Variants in ITSN1 observed in about 807,000 individuals in gnomAD.
ITSN1 encodes intersectin 1, also known as intersectin-1.
A neutral mutation model predicts 239.8 loss-of-function variants in ITSN1; 58 were observed. That is an observed-to-expected ratio of 0.24 (90% CI 0.20 to 0.30). ITSN1 has a LOEUF of 0.30. ITSN1 is among the 10% of genes least tolerant of loss of function. The pLI is 1.00. For missense variants in ITSN1, 1,558 were observed against 2,103.3 expected (o/e 0.74, Z 5.07); for synonymous variants, 780 against 770.8 (o/e 1.01, Z -0.20).
intron 20 of ITSN1, among the ~76,000 whole-genome samples, chr21:33,810,174 TA>T (rs2072800204): frequency 6.6e-6 from 1 of 152,204 alleles, no homozygotes; most frequent in South Asian, 2.1e-4. Context: ...GGACAACTCG[TA>T]AAGAAAAGTA....
In ITSN1 at chr21:33,725,007, C is replaced by T. The variant is rs141435394; in HGVS notation, c.185+2356C>T. Among the ~76,000 whole-genome samples the T allele has an allele frequency of 8.5e-3, 1,271 of 150,402 alleles. 67 individuals carry two copies. The highest frequency in any genetic ancestry group is 0.074 in the Admixed American group (1,120 of 15,080). On this transcript the variant is annotated intron_variant, in intron 4 of 39. Coordinates refer to ENST00000381318, the MANE Select transcript of ITSN1 (RefSeq NM_003024.3). ...ACATTTGGCTGGGTGTGGTGGCCCACGTCTGTAATCTCAATGCTTTGGGAG... is the reference window on the plus strand; with the variant it reads ...ACATTTGGCTGGGTGTGGTGGCCCATGTCTGTAATCTCAATGCTTTGGGAG...
chr21:33,716,916 A>G (rs13052450), intron 1 of ITSN1, among the ~76,000 whole-genome samples: 5 of 151,704 alleles, frequency 3.3e-5, no homozygotes, highest in East Asian at 1.9e-4. Context: ...CGCCTGGGCA[A>G]CAAAGCAAGA....
At chr21:33,763,440 G>A (rs1308167057) in intron 9 of ITSN1, among the ~76,000 whole-genome samples, 1 of 151,924 alleles carries the variant, frequency 6.6e-6, no homozygotes, top group Non-Finnish European at 1.5e-5. Context: ...TTTGTTGTTG[G>A]GGGATGTCCT....
chr21:33,819,579 A>G (rs1259622442), intron 24 of ITSN1, among the ~76,000 whole-genome samples: 1 of 152,242 alleles, frequency 6.6e-6, no homozygotes, highest in Non-Finnish European at 1.5e-5. Context: ...AGACCCATTC[A>G]GTTCACTAAG....
At chr21:33,793,367 C>T (rs990832601) in intron 16 of ITSN1, among the ~76,000 whole-genome samples, 1 of 152,128 alleles carries the variant, frequency 6.6e-6, no homozygotes, top group African/African-American at 2.4e-5. Flanking sequence ...GGAGGACCAG[C>T]CCTGGTTAGA....
intron 1 of ITSN1, among the ~76,000 whole-genome samples, chr21:33,706,722 A>G (rs140290537): frequency 5.8e-4 from 89 of 152,182 alleles, no homozygotes; most frequent in African/African-American, 1.9e-3. Flanking sequence ...CATTTGTTCT[A>G]TCCTTTCAAT....
In ITSN1 at chr21:33,797,044, G is replaced by A. The variant is rs979169724; in HGVS notation, c.1953-335G>A. On this transcript the variant is annotated intron_variant, in intron 17 of 39. Transcript: ENST00000381318. This position sits in a 1 kb window ranked among gnomAD's most constrained non-coding sequence, Gnocchi z 4.9. Reference sequence around the variant, plus strand: ...CTGGGGGGAAATTTTTACAGTGTTGGGTGTATTTTATTTTTATAGAAGTTA... The same window carrying A: ...CTGGGGGGAAATTTTTACAGTGTTGAGTGTATTTTATTTTTATAGAAGTTA... 1.1e-4 allele frequency among the ~76,000 whole-genome samples: 16 copies of A among 151,944 alleles called. No homozygotes were observed. Among genetic ancestry groups the A allele is most frequent in the Non-Finnish European group, 2.9e-5 (2 of 67,966 alleles).
intron 1 of ITSN1, among the ~76,000 whole-genome samples, chr21:33,710,147 C>T (rs1411393517): frequency 1.3e-5 from 2 of 148,508 alleles, no homozygotes; most frequent in Non-Finnish European, 3.0e-5. Context: ...GGCATGATCT[C>T]GGCTCACTGC....
intron 1 of ITSN1, among the ~76,000 whole-genome samples, chr21:33,703,749 C>T (rs2092126870): frequency 6.6e-6 from 1 of 152,084 alleles, no homozygotes; most frequent in South Asian, 2.1e-4. Context: ...CTAAATTTCC[C>T]ACAATTGTCA....
At chr21:33,731,381 A>C (rs905496019) in intron 4 of ITSN1, among the ~76,000 whole-genome samples, 3 of 152,198 alleles carry the variant, frequency 2.0e-5, no homozygotes, top group African/African-American at 7.2e-5. Flanking sequence ...ATTTTTATTA[A>C]TGGGAACTCT....
intron 32 of ITSN1, among the ~76,000 whole-genome samples, chr21:33,866,889 A>G (rs906898043): frequency 1.3e-5 from 2 of 150,356 alleles, no homozygotes; most frequent in Non-Finnish European, 3.0e-5. Context: ...TGTTCCTGGG[A>G]ATGTTATAAA....
intron 31 of ITSN1, among the ~76,000 whole-genome samples, chr21:33,860,314 AG>A (rs1221800759): frequency 3.8e-4 from 56 of 148,164 alleles, no homozygotes; most frequent in African/African-American, 1.1e-3. Flanking sequence ...TCTCAAAAAA[AG>A]AAAAAAAAAA....
chr21:33,753,603 A>T (rs2067706386), intron 7 of ITSN1, among the ~76,000 whole-genome samples: 1 of 152,014 alleles, frequency 6.6e-6, no homozygotes, highest in Non-Finnish European at 1.5e-5. Context: ...TCTACTAAAA[A>T]TACAAAAAAT....
intron 1 of ITSN1, among the ~76,000 whole-genome samples, chr21:33,679,846 C>T (rs866510494): frequency 2.0e-5 from 3 of 151,730 alleles, no homozygotes; most frequent in Non-Finnish European, 2.9e-5. Flanking sequence ...TACAGGTGCC[C>T]GCCCCCACAT....
intron 33 of ITSN1, among the ~76,000 whole-genome samples, chr21:33,873,847 G>A (rs1345904511): frequency 6.6e-6 from 1 of 151,848 alleles, no homozygotes; most frequent in African/African-American, 2.4e-5. Context: ...TCTCCAGCCT[G>A]GGTGACAGAA....
intron 29 of ITSN1, chr21:33,837,948 G>A (rs13640): frequency 0.086 from 84,445 of 985,348 alleles, 4,311 homozygotes; most frequent in African/African-American, 0.23. Context: ...TTTTATTCCA[G>A]TTACTTTTCA....
chr21:33,868,589 C>T lies in ITSN1; in HGVS notation c.4173+1258C>T, dbSNP rs549556968. ...TAAGTCCCTCATTGCCCGGAGCCAGCAGGGCCGGCCGGCTGCTCCGAGTGC... is the reference window on the plus strand; with the variant it reads ...TAAGTCCCTCATTGCCCGGAGCCAGTAGGGCCGGCCGGCTGCTCCGAGTGC... On this transcript the variant is annotated intron_variant, in intron 33 of 39. Transcript: ENST00000381318. Among the ~76,000 whole-genome samples the T allele has an allele frequency of 3.9e-5, 6 of 152,360 alleles. No individual in the cohort carries two copies. In the South Asian group the frequency reaches 8.3e-4, roughly 21 times the overall value.
intron 34 of ITSN1, among the ~76,000 whole-genome samples, chr21:33,880,937 T>C (rs1179614132): frequency 6.6e-6 from 1 of 150,734 alleles, no homozygotes; most frequent in African/African-American, 2.4e-5. Flanking sequence ...CAGAACCTAG[T>C]GGAGGTGATG....
chr21:33,886,839 C>T (rs969806725), intron 39 of ITSN1, among the ~76,000 whole-genome samples: 5 of 152,194 alleles, frequency 3.3e-5, no homozygotes, highest in African/African-American at 9.7e-5. Flanking sequence ...TAGCCCACAA[C>T]AGGAGCCGCA....
Sources: gnomAD v4.1 joint callset for allele counts (sites outside exome capture counted in the v4.1 genomes callset) on GRCh38, gnomAD v4.1.1 for gene constraint, Gnocchi (gnomAD v3.1) non-coding constraint, MANE v1.5 for transcripts, NCBI Gene and HGNC (gene_info 2026-07-23, HGNC 2026-07-21) for gene names.